PHF2: variants seen among roughly 807,000 people sequenced by gnomAD.
The protein encoded by PHF2 is PHD finger protein 2, also known as lysine-specific demethylase PHF2.
PHF2 carries 27 observed loss-of-function variants against 120.5 expected under a neutral mutation model. The observed-to-expected ratio is 0.22, with a 90% confidence interval of 0.17 to 0.31. PHF2 has a LOEUF of 0.31. Ranked by LOEUF, PHF2 falls within the 10% of genes least tolerant of loss-of-function variation. The pLI, the probability that PHF2 is intolerant of heterozygous loss-of-function variation, is 1.00. For synonymous variants in PHF2, 568 were observed against 592.5 expected (o/e 0.96, Z 0.60); for missense variants, 1,024 against 1,434.8 (o/e 0.71, Z 4.63).
In PHF2 at chr9:93,659,506, T is replaced by C. The variant is rs767552905; in HGVS notation, c.1240-5T>C. The C allele has an allele frequency of 6.6e-5, 107 of 1,613,636 alleles. No individual in the cohort carries two copies. The highest frequency in any genetic ancestry group is 8.8e-5 in the Non-Finnish European group (104 of 1,179,754). On this transcript the variant is annotated splice_polypyrimidine_tract_variant and splice_region_variant and intron_variant, in intron 10 of 21. Coordinates refer to ENST00000359246, the MANE Select transcript of PHF2 (RefSeq NM_005392.4). ...GTGCTGACCCTGGGTCCGGTTGTCC[T>C]GCAGGCTTTGGCAGAGCATGAGGAC...
At chr9:93,588,302 T>C (rs1863099240) in intron 1 of PHF2, among the ~76,000 whole-genome samples, 1 of 152,178 alleles carries the variant, frequency 6.6e-6, no homozygotes, top group South Asian at 2.1e-4. Flanking sequence ...TGGCGTTGTG[T>C]TGGGGACCAT....
rs1422786106 is a variant in PHF2, at chr9:93,677,599, A to G, written c.3214A>G (p.Lys1072Glu). ...CCCGACTCCCCTAGGAAAACGTACG[A>G]AAAAGGGCATGGCGACCGCCAAGCA... ...NNTAAKGKRTKKGMATAKQRL... is the reference protein window; with the variant it reads ...NNTAAKGKRTEKGMATAKQRL... The change falls in exon 22 of 22, where the codon AAA (lysine) becomes GAA (glutamate). Residue 1072 changes from lysine to glutamate, a missense_variant. Around this residue, in one of 2 missense-constraint regions of PHF2, gnomAD observed 677 missense variants for 857.4 expected, o/e 0.79. Transcript: ENST00000359246. The surrounding 1 kb of genome is among the most constrained non-coding windows in gnomAD (Gnocchi z 4.4). 2 of 1,613,368 alleles carry G rather than the reference A, an allele frequency of 1.2e-6. No homozygotes were observed. The highest frequency in any genetic ancestry group is 1.7e-6 in the Non-Finnish European group (2 of 1,179,612).
Position 93,653,475 on chromosome 9 carries a change from G to A in PHF2, c.789+110G>A, listed in dbSNP as rs1826403846. On this transcript the variant is annotated intron_variant, in intron 6 of 21. Transcript: ENST00000359246. ...TTGGCCAGGATGCGACTCCCCAGAG[G>A]GCCCCTGGACTGTCCATCCCTGGGA... is the stretch of plus-strand genomic sequence containing the variant. The A allele has an allele frequency of 2.9e-5, 34 of 1,156,246 alleles. No homozygotes were observed. The South Asian group carries it at 4.8e-4, about 16-fold the overall frequency. 71.6% of individuals were successfully genotyped at this position (1,156,246 alleles called of 1,614,324 possible).
chr9:93,604,550 C>T (rs1193651959), intron 1 of PHF2, among the ~76,000 whole-genome samples: 17 of 151,450 alleles, frequency 1.1e-4, no homozygotes, highest in Non-Finnish European at 1.8e-4. Flanking sequence ...CTGCAAGCTC[C>T]GCCTCCCGGG....
chr9:93,668,159 G>A (rs974176533), intron 17 of PHF2, among the ~76,000 whole-genome samples: 4 of 152,214 alleles, frequency 2.6e-5, no homozygotes, highest in Non-Finnish European at 4.4e-5. Context: ...ATGTAATATT[G>A]ATCAGAAAGC....
intron 1 of PHF2, among the ~76,000 whole-genome samples, chr9:93,583,848 G>A (rs1297344201): frequency 2.4e-5 from 3 of 126,170 alleles, no homozygotes; most frequent in Non-Finnish European, 3.2e-5. Context: ...TTTTTTTTGA[G>A]ACGGAGTTTT....
chr9:93,627,585 C>T lies in PHF2; in HGVS notation c.99-2385C>T, dbSNP rs183676461. Among the ~76,000 whole-genome samples, 6 of 142,188 alleles carry T rather than the reference C, an allele frequency of 4.2e-5. No individual in the cohort carries two copies. In the East Asian group the frequency reaches 1.1e-3, roughly 27 times the overall value. The allele number at this position is 142,188 out of a possible 152,430, so 93.3% of individuals were successfully genotyped here. ...ACAATAGGCATCCTATTTTCCTCCT[C>T]ATCTTATGGGAAAAGCTTTCAGTCT... On this transcript the variant is annotated intron_variant, in intron 1 of 21. Transcript: ENST00000359246.
rs1234575726 is a variant in PHF2, at chr9:93,636,397, G to A, written c.185-14G>A. 3.1e-6 allele frequency: 5 copies of A among 1,590,510 alleles called. No homozygotes were observed. Among genetic ancestry groups the A allele is most frequent in the Non-Finnish European group, 4.3e-6 (5 of 1,167,812 alleles). On this transcript the variant is annotated splice_polypyrimidine_tract_variant and intron_variant, in intron 2 of 21. Transcript: ENST00000359246. ...GCGCTGTGTGACCGACCTTGCTTCC[G>A]GTCTCCTCCACAGTAAAGAAGAAGC... is the stretch of plus-strand genomic sequence containing the variant.
At chr9:93,624,659 G>A (rs1447236281) in intron 1 of PHF2, among the ~76,000 whole-genome samples, 2 of 137,492 alleles carry the variant, frequency 1.5e-5, no homozygotes, top group Non-Finnish European at 3.1e-5. Flanking sequence ...TGGTGATGGT[G>A]TTGGTGGTGA....
intron 3 of PHF2, among the ~76,000 whole-genome samples, chr9:93,640,559 T>C (rs897357350): frequency 6.6e-6 from 1 of 152,152 alleles, no homozygotes; most frequent in African/African-American, 2.4e-5. Flanking sequence ...TCCTTTTGAC[T>C]CTGTCTTAAT....
intron 3 of PHF2, among the ~76,000 whole-genome samples, chr9:93,639,321 C>G (rs1223520921): frequency 2.0e-5 from 3 of 151,892 alleles, no homozygotes; most frequent in Admixed American, 6.6e-5. Flanking sequence ...GTATTTTATT[C>G]TTTTTGGTGC....
Position 93,660,406 on chromosome 9 carries a change from C to T in PHF2, c.1544C>T (p.Pro515Leu). 2 of 1,544,808 alleles carry T rather than the reference C, an allele frequency of 1.3e-6. No individual in the cohort carries two copies. The highest frequency in any genetic ancestry group is 2.4e-5 in the South Asian group (2 of 83,622). ...IPKPPKPPKP[P>L]RPPKTLKLKD... ...AAGCCCCCGAAGCCCCCTAAGCCCCCAAGGCCCCCCAAAACGCTGAAGCTC... is the reference window on the plus strand; with the variant it reads ...AAGCCCCCGAAGCCCCCTAAGCCCCTAAGGCCCCCCAAAACGCTGAAGCTC... Residue 515 changes from proline (P) to leucine (L), a missense_variant, in exon 12 of 22, where the codon CCA becomes CTA. Physicochemically the swap from Pro to Leu is moderately conservative, Grantham distance 98 (BLOSUM62 -3). Transcript: ENST00000359246.
Position 93,667,097 on chromosome 9 carries a change from C to A in PHF2, c.2205C>A (p.Asp735Glu), listed in dbSNP as rs371120306. The change falls in exon 17 of 22, where the codon GAC becomes GAA. Residue 735 changes from aspartate (D) to glutamate (E), a missense_variant. Asp to Glu is a conservative substitution (Grantham distance 45, BLOSUM62 2). This residue lies in a region of PHF2 where 677 missense variants were observed against 857.4 expected (regional missense o/e 0.79). Coordinates refer to ENST00000359246, the MANE Select transcript of PHF2 (RefSeq NM_005392.4). ...CGCAGCAGAGTGATGACTCCTCGGA[C>A]GAGGGTTCGCTGCACATCGACACAG... ...SAAYKSDDSSDEGSLHIDTDT... is the reference protein window; with the variant it reads ...SAAYKSDDSSEEGSLHIDTDT... 1 of 1,613,008 alleles carries A rather than the reference C, an allele frequency of 6.2e-7. No individual in the cohort carries two copies. Among genetic ancestry groups the A allele is most frequent in the African/African-American group, 1.3e-5 (1 of 75,044 alleles).
chr9:93,624,672 GTGA>G (rs904102674), intron 1 of PHF2, among the ~76,000 whole-genome samples: 8 of 113,490 alleles, frequency 7.0e-5, no homozygotes, highest in South Asian at 4.5e-4. Context: ...GGTGGTGATG[GTGA>G]TGATGATGAT....
chr9:93,659,638 G>T, intron 11 of PHF2, 38 bp downstream of exon 11: 1 of 1,574,836 alleles, frequency 6.3e-7, no homozygotes, highest in Non-Finnish European at 8.7e-7. Flanking sequence ...GACCCCTGGG[G>T]ATTGGGGAGG....
rs1446473010 is a variant in PHF2, at chr9:93,576,750, C to T, written c.-24C>T. The stretch of plus-strand genomic sequence containing the variant: ...GACCCGGGCAGCGCAGCGGCGGGGC[C>T]GAGCGGCGGCGCGGCGCGGCAACAT... On this transcript the variant is annotated 5_prime_UTR_variant, in exon 1 of 22. Coordinates refer to ENST00000359246, the MANE Select transcript of PHF2 (RefSeq NM_005392.4). 9.1e-5 allele frequency: 105 copies of T among 1,157,750 alleles called. No individual in the cohort carries two copies. Among genetic ancestry groups the T allele is most frequent in the Non-Finnish European group, 1.0e-4 (94 of 912,916 alleles). 71.7% of individuals were successfully genotyped at this position (1,157,750 alleles called of 1,614,324 possible). A position where few individuals can be genotyped will look rare whatever the true frequency, so the allele number is the denominator to read the frequency against.
chr9:93,600,213 GGT>G (rs1164913790), intron 1 of PHF2, among the ~76,000 whole-genome samples: 1 of 134,360 alleles, frequency 7.4e-6, no homozygotes, highest in African/African-American at 2.5e-5. Context: ...TGTGGTATGT[GGT>G]GTGGTGGTGC....
intron 1 of PHF2, among the ~76,000 whole-genome samples, chr9:93,598,095 C>T (rs961344526): frequency 2.0e-5 from 3 of 152,160 alleles, no homozygotes; most frequent in African/African-American, 7.2e-5. Flanking sequence ...GGGGTGGAGG[C>T]TGGCAGGCCT....
intron 1 of PHF2, among the ~76,000 whole-genome samples, chr9:93,610,748 G>A (rs1408649676): frequency 1.3e-5 from 2 of 152,206 alleles, no homozygotes; most frequent in African/African-American, 4.8e-5. Context: ...TGGAGTATCT[G>A]TATATGCTTG....
Sources: allele counts gnomAD v4.1 joint callset (sites outside exome capture counted in the v4.1 genomes callset), GRCh38; gene constraint gnomAD v4.1.1; regional missense constraint gnomAD v4.1.1; non-coding constraint Gnocchi (gnomAD v3.1); transcripts MANE v1.5; gene names NCBI Gene and HGNC (gene_info 2026-07-23, HGNC 2026-07-21).